The following SLC44A5 variants were observed in gnomAD, a reference collection of about 807,000 sequenced individuals.
SLC44A5 encodes the protein solute carrier family 44 member 5, also known as choline transporter-like protein 5.
SLC44A5 carries 57 observed loss-of-function variants against 101.8 expected under a neutral mutation model. The ratio of observed to expected loss-of-function variants is 0.56; its 90% CI spans 0.45 to 0.70. SLC44A5 has a LOEUF of 0.70. SLC44A5 is among the 30% of genes least tolerant of loss of function. The pLI is 0.00. For synonymous variants in SLC44A5, 281 were observed against 290.9 expected (o/e 0.97, Z 0.35); for missense variants, 737 against 853.1 (o/e 0.86, Z 1.70).
chr1:75,404,364 C>T (rs902959277), intron 2 of SLC44A5, among the ~76,000 whole-genome samples: 1 of 152,080 alleles, frequency 6.6e-6, no homozygotes, highest in African/African-American at 2.4e-5. Flanking sequence ...AAAGATACTC[C>T]TCGAGGAGAG....
chr1:75,642,535 C>A, the SLC44A5 span, among the ~76,000 whole-genome samples: 3 of 151,934 alleles, frequency 2.0e-5, no homozygotes, highest in African/African-American at 7.3e-5. Flanking sequence ...CATGGTTAAA[C>A]GAATTCCTAT....
chr1:75,641,679 C>T, the SLC44A5 span: 9 of 1,513,930 alleles, frequency 5.9e-6, no homozygotes, highest in Non-Finnish European at 7.3e-6. Context: ...ATACTATATA[C>T]CTCTCTCCAA....
At chr1:75,249,740 A>T (rs1481566001) in intron 7 of SLC44A5, among the ~76,000 whole-genome samples, 2 of 152,190 alleles carry the variant, frequency 1.3e-5, no homozygotes. Flanking sequence ...TCATCTATAG[A>T]TTCTGGACTT....
intron 2 of SLC44A5, among the ~76,000 whole-genome samples, chr1:75,442,469 T>G (rs575356868): frequency 6.6e-6 from 1 of 152,268 alleles, no homozygotes; most frequent in South Asian, 2.1e-4. Context: ...TATTCCAATT[T>G]TAGCAACCAT....
chr1:75,468,695 G>T (rs1474762274), intron 2 of SLC44A5, among the ~76,000 whole-genome samples: 1 of 152,110 alleles, frequency 6.6e-6, no homozygotes, highest in South Asian at 2.1e-4. Context: ...GGGGTTTGGG[G>T]GATGTGGGGA....
chr1:75,512,550 C>T (rs1669622203), intron 2 of SLC44A5, among the ~76,000 whole-genome samples: 1 of 152,270 alleles, frequency 6.6e-6, no homozygotes, highest in Middle Eastern at 3.4e-3. Context: ...TGGTGTCAGA[C>T]ACAGTGTATT....
intron 2 of SLC44A5, among the ~76,000 whole-genome samples, chr1:75,514,356 T>C (rs1321564333): frequency 1.3e-5 from 2 of 152,122 alleles, no homozygotes; most frequent in African/African-American, 4.8e-5. Flanking sequence ...ATTCTGAGAG[T>C]GACAACAATT....
intron 3 of SLC44A5, among the ~76,000 whole-genome samples, chr1:75,395,854 T>C (rs1176236494): frequency 6.6e-6 from 1 of 152,186 alleles, no homozygotes; most frequent in Non-Finnish European, 1.5e-5. Context: ...TCTCACCACA[T>C]ATATAATAAT....
At chr1:75,700,001 T>G in the SLC44A5 span, among the ~76,000 whole-genome samples, 204 of 152,170 alleles carry the variant, frequency 1.3e-3, no homozygotes, top group African/African-American at 4.7e-3. Flanking sequence ...CCCAGATTCA[T>G]AAAGCAAGTC....
chr1:75,397,473 A>G (rs1477645367), intron 2 of SLC44A5, among the ~76,000 whole-genome samples: 1 of 152,162 alleles, frequency 6.6e-6, no homozygotes, highest in East Asian at 1.9e-4. Flanking sequence ...ATTGAGAGTC[A>G]GAGTTGGGGT....
chr1:75,230,274 G>T (rs1332434294), intron 12 of SLC44A5, among the ~76,000 whole-genome samples: 1 of 150,112 alleles, frequency 6.7e-6, no homozygotes, highest in East Asian at 2.0e-4. Flanking sequence ...TTGAGACAGA[G>T]TCTCGCTCTG....
rs569243933 is a variant in SLC44A5 at position 75,309,503 on chromosome 1, C to T, written c.102-8818G>A. On this transcript the variant is annotated intron_variant, in intron 4 of 23. Coordinates refer to ENST00000370859, the MANE Select transcript of SLC44A5 (RefSeq NM_001130058.2). ...ATTTCTCTATTATAAGCATATTTTA[C>T]TTATTGGTTTTGGCAATTATTTCAG... Among the ~76,000 whole-genome samples the T allele has an allele frequency of 2.0e-5, 3 of 152,228 alleles. No homozygotes were observed. In the South Asian group the frequency reaches 6.2e-4, roughly 32 times the overall value.
chr1:75,309,810 T>C (rs1451112737), intron 4 of SLC44A5, among the ~76,000 whole-genome samples: 1 of 152,152 alleles, frequency 6.6e-6, no homozygotes, highest in Non-Finnish European at 1.5e-5. Flanking sequence ...AAAAAACACA[T>C]AAAATGCTGT....
intron 2 of SLC44A5, among the ~76,000 whole-genome samples, chr1:75,407,373 A>G (rs1014752784): frequency 1.3e-5 from 2 of 152,232 alleles, no homozygotes. Context: ...CAAATTTCAT[A>G]TGGAACCAAA....
At chr1:75,719,447 T>C in the SLC44A5 span, among the ~76,000 whole-genome samples, 2 of 152,144 alleles carry the variant, frequency 1.3e-5, no homozygotes, top group African/African-American at 4.8e-5. Context: ...AATTTATCCT[T>C]GGTAGAAATA....
intron 1 of SLC44A5, among the ~76,000 whole-genome samples, chr1:75,587,013 G>A (rs1387673912): frequency 6.6e-6 from 1 of 151,920 alleles, no homozygotes; most frequent in African/African-American, 2.4e-5. Flanking sequence ...GCAGAGCTGG[G>A]GCAGGCTGGT....
intron 7 of SLC44A5, among the ~76,000 whole-genome samples, chr1:75,248,108 T>A (rs1251806847): frequency 1.3e-5 from 2 of 151,998 alleles, no homozygotes; most frequent in African/African-American, 2.4e-5. Flanking sequence ...ATGTTTGTTG[T>A]AAGATGGTAA....
At chr1:75,481,691 A>G (rs971071698) in intron 2 of SLC44A5, among the ~76,000 whole-genome samples, 13 of 152,212 alleles carry the variant, frequency 8.5e-5, no homozygotes, top group African/African-American at 2.9e-4. Context: ...AATGCAAATC[A>G]AAACCACAGT....
intron 2 of SLC44A5, among the ~76,000 whole-genome samples, chr1:75,400,739 T>C (rs1373827127): frequency 6.6e-6 from 1 of 152,192 alleles, no homozygotes; most frequent in Non-Finnish European, 1.5e-5. Context: ...AGGTCCTACC[T>C]TGCTTCTGCC....
Sources: allele counts gnomAD v4.1 joint callset (sites outside exome capture counted in the v4.1 genomes callset), GRCh38; gene constraint gnomAD v4.1.1; transcripts MANE v1.5; gene names NCBI Gene and HGNC (gene_info 2026-07-23, HGNC 2026-07-21).